CCDC30: variants seen among roughly 807,000 people sequenced by gnomAD.
CCDC30 encodes coiled-coil domain-containing protein 30.
Under a neutral mutation model 100.2 loss-of-function variants are expected in CCDC30, and 70 were observed. That is an observed-to-expected ratio of 0.70 (90% CI 0.58 to 0.85). The LOEUF is 0.85. CCDC30 is among the 40% of genes least tolerant of loss of function. The probability of loss-of-function intolerance (pLI) is 0.00; values close to 1 mark genes in which losing one functional copy is unlikely to be tolerated. For missense variants in CCDC30, 652 were observed against 771.2 expected (o/e 0.85, Z 1.83); for synonymous variants, 233 against 269.5 (o/e 0.86, Z 1.33).
rs1207282490 is a variant in CCDC30, at chr1:42,596,043, A to G, written c.1164+6560A>G. Reference sequence around the variant, plus strand: ...GCCAAACAAACTGAAAAATCAACACATTTCCCTAGATCCTTCAGAGAAGAG... The same window carrying G: ...GCCAAACAAACTGAAAAATCAACACGTTTCCCTAGATCCTTCAGAGAAGAG... On this transcript the variant is annotated intron_variant, in intron 10 of 16. Coordinates refer to ENST00000668663, the Ensembl canonical transcript of CCDC30. The surrounding 1 kb of genome is among the most constrained non-coding windows in gnomAD (Gnocchi z 4.3). 1.3e-5 allele frequency among the ~76,000 whole-genome samples: 2 copies of G among 152,152 alleles called. No individual in the cohort carries two copies. The highest frequency in any genetic ancestry group is 4.8e-5 in the African/African-American group (2 of 41,434).
chr1:42,604,053 C>T (rs1370454118), intron 10 of CCDC30, among the ~76,000 whole-genome samples: 1 of 151,838 alleles, frequency 6.6e-6, no homozygotes, highest in Non-Finnish European at 1.5e-5. Context: ...GACCCTGTCT[C>T]TCCAATTTTT....
chr1:42,459,155 C>CTTTTTTT (rs11316113), upstream of CCDC30: 5 of 92,722 alleles, frequency 5.4e-5, no homozygotes, highest in Non-Finnish European at 6.0e-5. Flanking sequence ...AGAGCCAAGG[C>CTTTTTTT]TTTTTTTTTT....
At chr1:42,573,543 A>G (rs1037874063) in intron 7 of CCDC30, among the ~76,000 whole-genome samples, 2 of 151,990 alleles carry the variant, frequency 1.3e-5, no homozygotes, top group South Asian at 4.1e-4. Flanking sequence ...TCTAAAGACA[A>G]TTTGCTTTCT....
chr1:42,621,414 C>T (rs1646828248), intron 11 of CCDC30, among the ~76,000 whole-genome samples: 1 of 151,880 alleles, frequency 6.6e-6, no homozygotes, highest in South Asian at 2.1e-4. Flanking sequence ...CTCCTGGGCT[C>T]AAGTGATCCT....
At chr1:42,487,938 G>A (rs1644077541) in intron 3 of CCDC30, among the ~76,000 whole-genome samples, 1 of 152,166 alleles carries the variant, frequency 6.6e-6, no homozygotes, top group Non-Finnish European at 1.5e-5. Context: ...CTAGAGAAAC[G>A]TGAACTAGTA....
chr1:42,536,209 A>T (rs1008311738), intron 6 of CCDC30, among the ~76,000 whole-genome samples: 4 of 152,180 alleles, frequency 2.6e-5, no homozygotes, highest in African/African-American at 9.6e-5. Flanking sequence ...TTGATAAGTG[A>T]TTAAATTTTA....
intron 10 of CCDC30, among the ~76,000 whole-genome samples, chr1:42,605,787 C>G (rs1364251866): frequency 6.6e-6 from 1 of 152,108 alleles, no homozygotes; most frequent in Non-Finnish European, 1.5e-5. Flanking sequence ...GCACCTGGCC[C>G]AAAGTCACTC....
At chr1:42,533,429 T>TC (rs1322840994) in intron 6 of CCDC30, among the ~76,000 whole-genome samples, 2 of 152,138 alleles carry the variant, frequency 1.3e-5, no homozygotes, top group Admixed American at 6.5e-5. Flanking sequence ...TACACAGCCC[T>TC]CCCCAGAGTA....
intron 6 of CCDC30, among the ~76,000 whole-genome samples, chr1:42,526,051 G>A (rs949591207): frequency 3.9e-5 from 6 of 152,058 alleles, no homozygotes; most frequent in African/African-American, 7.2e-5. Context: ...TCTATCCCAC[G>A]TATTTCTGCC....
intron 11 of CCDC30, among the ~76,000 whole-genome samples, chr1:42,636,067 G>C (rs1329901374): frequency 6.6e-6 from 1 of 151,992 alleles, no homozygotes; most frequent in Non-Finnish European, 1.5e-5. Context: ...GTGCTTATTG[G>C]CCATAACTTA....
At chr1:42,587,236 A>G (rs1646091296) in intron 9 of CCDC30, among the ~76,000 whole-genome samples, 1 of 152,194 alleles carries the variant, frequency 6.6e-6, no homozygotes. Context: ...GGCTCAAGCG[A>G]TCCTCCTACC....
intron 6 of CCDC30, among the ~76,000 whole-genome samples, chr1:42,553,760 G>C (rs1445426073): frequency 4.0e-5 from 6 of 151,208 alleles, no homozygotes; most frequent in Non-Finnish European, 7.4e-5. Context: ...AAAAGGAAAG[G>C]GATTTATAAA....
Position 42,646,320 on chromosome 1 carries a change from A to G in CCDC30, c.1854+3A>G. ...AGTGGAAACACTCTGAGCAGATGGTAGGAGAATCCAACTTCCACATCCACA... is the reference window on the plus strand; with the variant it reads ...AGTGGAAACACTCTGAGCAGATGGTGGGAGAATCCAACTTCCACATCCACA... On this transcript the variant is annotated splice_donor_region_variant and intron_variant, in intron 15 of 16. Transcript: ENST00000668663. 6.7e-7 allele frequency: 1 copy of G among 1,487,478 alleles called. No homozygotes were observed. Among genetic ancestry groups the G allele is most frequent in the Non-Finnish European group, 9.0e-7 (1 of 1,116,502 alleles). The allele number at this position is 1,487,478 out of a possible 1,614,324, so 92.1% of individuals were successfully genotyped here.
intron 6 of CCDC30, among the ~76,000 whole-genome samples, chr1:42,524,666 G>T (rs1185388091): frequency 6.6e-6 from 1 of 152,206 alleles, no homozygotes; most frequent in African/African-American, 2.4e-5. Flanking sequence ...CATGCAAGCT[G>T]TTCCAGGAAC....
At chr1:42,617,595 T>C (rs1646750151) in intron 11 of CCDC30, among the ~76,000 whole-genome samples, 1 of 152,016 alleles carries the variant, frequency 6.6e-6, no homozygotes, top group Admixed American at 6.6e-5. Flanking sequence ...TAAGGAAAAT[T>C]TGGTGGGTAG....
chr1:42,615,366 T>C (rs1646706091), intron 11 of CCDC30, among the ~76,000 whole-genome samples: 1 of 152,166 alleles, frequency 6.6e-6, no homozygotes, highest in Middle Eastern at 3.4e-3. Flanking sequence ...GGCCTGATCT[T>C]GGCTCACCGC....
intron 6 of CCDC30, among the ~76,000 whole-genome samples, chr1:42,559,613 A>C (rs1645445262): frequency 6.6e-6 from 1 of 152,214 alleles, no homozygotes; most frequent in Non-Finnish European, 1.5e-5. Context: ...ATATATATTC[A>C]ACCAATACAG....
intron 6 of CCDC30, among the ~76,000 whole-genome samples, chr1:42,513,576 A>G (rs894346568): frequency 3.9e-5 from 6 of 152,140 alleles, no homozygotes; most frequent in African/African-American, 1.4e-4. Flanking sequence ...GCAAGTTTTC[A>G]GTTTGCTTGT....
chr1:42,582,294 G>T lies in CCDC30; in HGVS notation c.1001+780G>T, dbSNP rs541251359. Among the ~76,000 whole-genome samples, 44 of 152,280 alleles carry T rather than the reference G, an allele frequency of 2.9e-4. No homozygotes were observed. The Middle Eastern group carries it at 0.02, about 71-fold the overall frequency. Reference sequence around the variant, plus strand: ...TCAAGGCACTTTTGTAAGTGATGAAGCACACCATTTAGTCCATCCCTAGAG... The same window carrying T: ...TCAAGGCACTTTTGTAAGTGATGAATCACACCATTTAGTCCATCCCTAGAG... On this transcript the variant is annotated intron_variant, in intron 9 of 16. Transcript: ENST00000668663.
Sources: gnomAD v4.1 joint callset for allele counts (sites outside exome capture counted in the v4.1 genomes callset) on GRCh38, gnomAD v4.1.1 for gene constraint, Gnocchi (gnomAD v3.1) non-coding constraint, MANE v1.5 for transcripts, NCBI Gene and HGNC (gene_info 2026-07-23, HGNC 2026-07-21) for gene names.